ARHGEF37: variants seen among roughly 807,000 people sequenced by gnomAD.
ARHGEF37 encodes Rho guanine nucleotide exchange factor 37, also known as Rho guanine nucleotide exchange factor (GEF) 37.
ARHGEF37 carries 55 observed loss-of-function variants against 71.1 expected under a neutral mutation model. The observed-to-expected ratio is 0.77, with a 90% confidence interval of 0.62 to 0.97. The LOEUF (loss-of-function observed/expected upper bound fraction) is 0.97. Ranked by LOEUF, ARHGEF37 falls within the 50% of genes least tolerant of loss-of-function variation. The pLI is 0.00. For missense variants in ARHGEF37, 765 were observed against 836.8 expected (o/e 0.91, Z 1.06); for synonymous variants, 327 against 350.6 (o/e 0.93, Z 0.75).
At chr5:149,608,717 T>C (rs781132730) in intron 3 of ARHGEF37, among the ~76,000 whole-genome samples, 4 of 152,092 alleles carry the variant, frequency 2.6e-5, no homozygotes, top group Non-Finnish European at 5.9e-5. Flanking sequence ...AATAGAGAGC[T>C]AGAGGAGTGA....
upstream of ARHGEF37, among the ~76,000 whole-genome samples, chr5:149,581,307 T>C (rs989800515): frequency 1.2e-4 from 19 of 152,192 alleles, no homozygotes; most frequent in Non-Finnish European, 2.2e-4. Flanking sequence ...AAACTCCGCC[T>C]GCAATCCTTC....
intron 4 of ARHGEF37, among the ~76,000 whole-genome samples, chr5:149,610,700 T>C (rs188112754): frequency 9.9e-5 from 15 of 152,278 alleles, no homozygotes; most frequent in African/African-American, 3.6e-4. Context: ...TCACAAAATA[T>C]ATTTCTACAG....
intron 1 of ARHGEF37, among the ~76,000 whole-genome samples, chr5:149,573,021 T>C (rs943480536): frequency 2.6e-5 from 4 of 152,184 alleles, no homozygotes; most frequent in Non-Finnish European, 4.4e-5. Flanking sequence ...TGGGTCATAA[T>C]CTGGCAGAAA....
intron 4 of ARHGEF37, among the ~76,000 whole-genome samples, chr5:149,613,185 C>T (rs1385520893): frequency 6.6e-6 from 1 of 152,116 alleles, no homozygotes; most frequent in African/African-American, 2.4e-5. Flanking sequence ...ATAAAAGCAA[C>T]ATATGCTTAT....
intron 1 of ARHGEF37, among the ~76,000 whole-genome samples, chr5:149,555,561 C>T (rs1239470419): frequency 6.6e-6 from 1 of 151,566 alleles, no homozygotes; most frequent in Non-Finnish European, 1.5e-5. Context: ...GTGATCCTGA[C>T]GCCTCATCCT....
rs2113237883 is a variant in ARHGEF37, at chr5:149,564,860, A to T, written c.-12+12737A>T. ...CAACTCCCAGACATCCTCTTAGTAG[A>T]TCCCATGGTATGGCACAGCAAGGTA... is the stretch of plus-strand genomic sequence containing the variant. On this transcript the variant is annotated intron_variant, in intron 1 of 2. Transcript: ENST00000505810. Among the ~76,000 whole-genome samples, 3 of 152,310 alleles carry T rather than the reference A, an allele frequency of 2.0e-5. No homozygotes were observed. The Middle Eastern group carries it at 0.01, about 518-fold the overall frequency.
In ARHGEF37 at chr5:149,618,262, C is replaced by T. The variant is rs372222488; in HGVS notation, c.745C>T (p.Arg249Trp). Residue 249 changes from arginine (R) to tryptophan (W), a missense_variant, in exon 6 of 13, where the codon CGG becomes TGG. By Grantham distance (101) the Arg-to-Trp change is moderately radical. Coordinates refer to ENST00000333677, the MANE Select transcript of ARHGEF37 (RefSeq NM_001001669.3). ...ACACACCCTCTCCAAGAAGACCACC[C>T]GGCTGAGCCAGCTGCTGAAGCAGGA... ...NTHTLSKKTT[R>W]LSQLLKQEAG... 6.2e-6 allele frequency: 10 copies of T among 1,614,086 alleles called. No individual in the cohort carries two copies. The highest frequency in any genetic ancestry group is 3.3e-5 in the South Asian group (3 of 91,076).
chr5:149,622,137 G>A, intron 9 of ARHGEF37, 75 bp downstream of exon 9: 1 of 1,426,048 alleles, frequency 7.0e-7, no homozygotes. Context: ...CCAGCTGTGT[G>A]TAGGGGCTAG....
At position 149,628,790 on chromosome 5, in the gene ARHGEF37, CCTT is replaced by C. The variant is rs770327731; in HGVS notation, c.1661-16_1661-14del. On this transcript the variant is annotated splice_polypyrimidine_tract_variant and intron_variant, in intron 11 of 12. Transcript: ENST00000333677. Reference sequence around the variant, plus strand: ...GGGAAGGTGGCCCGCAGCCTGCTAACCTTCTGCATGCTCCCTAGGACATCGTGG... The same window carrying C: ...GGGAAGGTGGCCCGCAGCCTGCTAACCTGCATGCTCCCTAGGACATCGTGG... 1.8e-5 allele frequency: 29 copies of C among 1,605,994 alleles called. No individual in the cohort carries two copies. Among genetic ancestry groups the C allele is most frequent in the Admixed American group, 1.7e-5 (1 of 59,106 alleles).
upstream of ARHGEF37, among the ~76,000 whole-genome samples, chr5:149,577,723 A>G (rs1580887227): frequency 6.6e-6 from 1 of 152,334 alleles, no homozygotes; most frequent in East Asian, 1.9e-4. Flanking sequence ...TTATTAGAAG[A>G]TGACTTCCAT....
At chr5:149,607,596 G>A (rs993568509) in intron 3 of ARHGEF37, among the ~76,000 whole-genome samples, 3 of 152,184 alleles carry the variant, frequency 2.0e-5, no homozygotes, top group East Asian at 1.9e-4. Flanking sequence ...GGGTGCAGGC[G>A]GGCTGAGTCC....
At chr5:149,630,401 G>A (rs1223542868) in intron 12 of ARHGEF37, among the ~76,000 whole-genome samples, 1 of 152,160 alleles carries the variant, frequency 6.6e-6, no homozygotes, top group Admixed American at 6.5e-5. Flanking sequence ...CACAGGGGAA[G>A]CAGGAGCAAC....
intron 1 of ARHGEF37, among the ~76,000 whole-genome samples, chr5:149,569,302 T>G (rs1580883483): frequency 6.6e-6 from 1 of 150,564 alleles, no homozygotes; most frequent in African/African-American, 2.5e-5. Context: ...CTGTTTATTT[T>G]TATTTATTTA....
chr5:149,598,098 C>T (rs1367993427), intron 2 of ARHGEF37, 143 bp downstream of exon 2: 4 of 1,005,836 alleles, frequency 4.0e-6, no homozygotes, highest in Non-Finnish European at 5.7e-6. Flanking sequence ...TGGATGTAAG[C>T]CCCAGTACTT....
chr5:149,620,423 A>G lies in ARHGEF37; in HGVS notation c.964A>G (p.Asn322Asp). Residue 322 changes from asparagine to aspartate, a missense_variant, in exon 8 of 13, where the codon AAT becomes GAT. Around this residue, in one of 5 missense-constraint regions of ARHGEF37, gnomAD observed 167 missense variants for 173.3 expected, o/e 0.96. Coordinates refer to ENST00000333677, the MANE Select transcript of ARHGEF37 (RefSeq NM_001001669.3). ...IPEGPAVQYC[N>D]LARDLHLEAF... is the part of the protein sequence containing the mutation. Reference sequence around the variant, plus strand: ...CGAGGGGCCTGCAGTGCAGTATTGCAATTTGGCAAGAGACCTTCACCTTGA... The same window carrying G: ...CGAGGGGCCTGCAGTGCAGTATTGCGATTTGGCAAGAGACCTTCACCTTGA... The G allele has an allele frequency of 9.3e-6, 15 of 1,612,624 alleles. No individual in the cohort carries two copies. Among genetic ancestry groups the G allele is most frequent in the Non-Finnish European group, 1.3e-5 (15 of 1,179,420 alleles).
At position 149,559,732 on chromosome 5, in the gene ARHGEF37, T is replaced by G. The variant is rs1762804499; in HGVS notation, c.-12+7609T>G. Among the ~76,000 whole-genome samples the G allele has an allele frequency of 2.6e-5, 4 of 152,220 alleles. No individual in the cohort carries two copies. In the South Asian group the frequency reaches 8.3e-4, roughly 32 times the overall value. ...TTCATGGACTATTCAATCTTTTCAT[T>G]TATCTTTACAGACTTAAAAGAGATT... is the stretch of plus-strand genomic sequence containing the variant. On this transcript the variant is annotated intron_variant, in intron 1 of 2. Coordinates refer to the ARHGEF37 transcript ENST00000505810.
At chr5:149,622,689 C>G (rs566194429) in intron 9 of ARHGEF37, among the ~76,000 whole-genome samples, 1 of 152,344 alleles carries the variant, frequency 6.6e-6, no homozygotes, top group Non-Finnish European at 1.5e-5. Flanking sequence ...CCACAACACT[C>G]AAGAGCCTGT....
At chr5:149,587,894 C>CTAGTCT (rs1561790086) in intron 1 of ARHGEF37, among the ~76,000 whole-genome samples, 7 of 129,164 alleles carry the variant, frequency 5.4e-5, no homozygotes, top group Admixed American at 7.9e-5. Flanking sequence ...TCCCTTTAGT[C>CTAGTCT]TTTTTTTTTT....
chr5:149,568,050 C>T (rs750343295), intron 1 of ARHGEF37, among the ~76,000 whole-genome samples: 2 of 152,026 alleles, frequency 1.3e-5, no homozygotes, highest in East Asian at 1.9e-4. Flanking sequence ...CTTTTGCACA[C>T]GTACTTTTTT....
Sources: allele counts gnomAD v4.1 joint callset (sites outside exome capture counted in the v4.1 genomes callset), GRCh38; gene constraint gnomAD v4.1.1; regional missense constraint gnomAD v4.1.1; transcripts MANE v1.5; gene names NCBI Gene and HGNC (gene_info 2026-07-23, HGNC 2026-07-21).